The following DCC variants were observed in gnomAD, a reference collection of about 807,000 sequenced individuals.
DCC encodes the protein netrin receptor DCC.
DCC carries 58 observed loss-of-function variants against 172.5 expected under a neutral mutation model. The ratio of observed to expected loss-of-function variants is 0.34; its 90% CI spans 0.27 to 0.42. DCC has a LOEUF of 0.42. DCC is among the 10% of genes least tolerant of loss of function. The pLI is 1.00. For missense variants in DCC, 1,740 were observed against 1,791.0 expected, an observed-to-expected ratio of 0.97 and a Z score of 0.51; for synonymous variants, 709 against 644.5, an observed-to-expected ratio of 1.10 and a Z score of -1.52.
intron 12 of DCC, among the ~76,000 whole-genome samples, chr18:53,216,081 A>G (rs1265979501): frequency 4.6e-5 from 7 of 152,200 alleles, no homozygotes. Context: ...CAATACAGTT[A>G]TATTTATGTA....
Position 53,179,072 on chromosome 18 carries a change from C to G in DCC, c.1529C>G (p.Pro510Arg), listed in dbSNP as rs142367900. Residue 510 changes from proline to arginine, a missense_variant, in exon 9 of 29, where the codon CCG becomes CGG. Pro to Arg is a moderately radical substitution (Grantham distance 103, BLOSUM62 -2). Around this residue, in one of 2 missense-constraint regions of DCC, gnomAD observed 1,732 missense variants for 1,767.4 expected, o/e 0.98. Transcript: ENST00000442544. ...GTTGTGGCTTACAATGAATGGGGAC[C>G]GGGAGAGAGTTCTCAACCCATCAAG... ...FRVVAYNEWG[P>R]GESSQPIKVA... The G allele has an allele frequency of 5.0e-6, 8 of 1,613,812 alleles. No homozygotes were observed. Among genetic ancestry groups the G allele is most frequent in the South Asian group, 2.2e-5 (2 of 91,064 alleles).
chr18:53,102,762 C>G (rs191718691), intron 7 of DCC, among the ~76,000 whole-genome samples: 3 of 152,156 alleles, frequency 2.0e-5, no homozygotes, highest in Non-Finnish European at 4.4e-5. Flanking sequence ...GGTTTTCAGA[C>G]TCTTTATTGT....
At chr18:52,705,377 T>C (rs1404848699) in intron 1 of DCC, among the ~76,000 whole-genome samples, 1 of 152,172 alleles carries the variant, frequency 6.6e-6, no homozygotes, top group East Asian at 1.9e-4. Flanking sequence ...TTTCAGAATA[T>C]GGTGTTCGGA....
At chr18:52,837,401 T>G (rs1300622422) in intron 2 of DCC, among the ~76,000 whole-genome samples, 1 of 152,206 alleles carries the variant, frequency 6.6e-6, no homozygotes, top group African/African-American at 2.4e-5. Flanking sequence ...TCTTGAATGC[T>G]TTGCAGCTTA....
intron 12 of DCC, among the ~76,000 whole-genome samples, chr18:53,260,524 G>A (rs2056582763): frequency 6.6e-6 from 1 of 152,000 alleles, no homozygotes; most frequent in Non-Finnish European, 1.5e-5. Context: ...AGCGAATATT[G>A]GTGAACAGCA....
intron 5 of DCC, among the ~76,000 whole-genome samples, chr18:53,048,489 TTGTG>T (rs71175550): frequency 0.039 from 5,434 of 139,356 alleles, 270 homozygotes; most frequent in African/African-American, 0.11. Context: ...ACTCCATGGT[TTGTG>T]TGTGTGTGTG....
chr18:53,127,133 G>A (rs915475367), intron 7 of DCC, among the ~76,000 whole-genome samples: 2 of 99,198 alleles, frequency 2.0e-5, no homozygotes, highest in East Asian at 3.7e-4. Context: ...GCTTTTGATC[G>A]TTGTTTTTTT....
chr18:53,368,761 T>C (rs2058030890), intron 15 of DCC, among the ~76,000 whole-genome samples: 1 of 151,998 alleles, frequency 6.6e-6, no homozygotes, highest in African/African-American at 2.4e-5. Flanking sequence ...ATCGCAAGGG[T>C]TTATTTCTGG....
At chr18:52,662,852 C>T (rs949156345) in intron 1 of DCC, among the ~76,000 whole-genome samples, 1 of 152,088 alleles carries the variant, frequency 6.6e-6, no homozygotes, top group African/African-American at 2.4e-5. Context: ...ATAGACAGCA[C>T]CTTCTTGTGT....
At chr18:52,377,575 T>C (rs1985401114) in intron 1 of DCC, among the ~76,000 whole-genome samples, 1 of 152,084 alleles carries the variant, frequency 6.6e-6, no homozygotes, top group Admixed American at 6.6e-5. Context: ...ACTTACGTAT[T>C]TATCTTGTCT....
chr18:53,312,995 AGG>A, intron 13 of DCC, among the ~76,000 whole-genome samples: 2 of 100,566 alleles, frequency 2.0e-5, no homozygotes, highest in African/African-American at 4.3e-5. Flanking sequence ...GGGAGGGAGG[AGG>A]GAGGAAGGAA....
chr18:52,465,044 T>C (rs1192461748), intron 1 of DCC, among the ~76,000 whole-genome samples: 2 of 152,100 alleles, frequency 1.3e-5, no homozygotes, highest in Non-Finnish European at 2.9e-5. Context: ...GGTTGAACAA[T>C]TGTCCCAGTT....
At chr18:53,404,863 G>A (rs1304187317) in intron 19 of DCC, among the ~76,000 whole-genome samples, 4 of 151,792 alleles carry the variant, frequency 2.6e-5, no homozygotes, top group East Asian at 1.9e-4. Context: ...AGATTTATAC[G>A]TTCAATGGAT....
At chr18:52,662,080 A>G (rs1344996216) in intron 1 of DCC, among the ~76,000 whole-genome samples, 1 of 152,222 alleles carries the variant, frequency 6.6e-6, no homozygotes, top group Non-Finnish European at 1.5e-5. Context: ...TCAGTCTAGG[A>G]CAGTGATTCT....
chr18:53,301,073 T>C (rs1440894969), intron 12 of DCC, among the ~76,000 whole-genome samples: 2 of 149,256 alleles, frequency 1.3e-5, no homozygotes, highest in Non-Finnish European at 3.0e-5. Context: ...TCTCCTTTCC[T>C]TCTTTCTTTC....
chr18:53,392,487 T>C (rs534111311), intron 17 of DCC, among the ~76,000 whole-genome samples: 9 of 152,320 alleles, frequency 5.9e-5, no homozygotes, highest in African/African-American at 2.2e-4. Flanking sequence ...CACAGAGTTA[T>C]CTGACAACCT....
In DCC at chr18:52,927,148, T is replaced by TGTATATATAC. The variant is rs1433634946; in HGVS notation, c.985+1787_985+1796dup. 7.1e-4 allele frequency among the ~76,000 whole-genome samples: 29 copies of TGTATATATAC among 40,694 alleles called. 6 individuals carry two copies. The highest frequency in any genetic ancestry group is 2.7e-3 in the Admixed American group (12 of 4,420). 26.7% of individuals were successfully genotyped at this position (40,694 alleles called of 152,430 possible). A position where few individuals can be genotyped will look rare whatever the true frequency, so the allele number is the denominator to read the frequency against. Reference sequence around the variant, plus strand: ...ATACACGTATATACGTGTATATATGTGTATATATACGTATATATGTGTATA... The same window carrying TGTATATATAC: ...ATACACGTATATACGTGTATATATGTGTATATATACGTATATATACGTATATATGTGTATA... On this transcript the variant is annotated intron_variant, in intron 5 of 28. Transcript: ENST00000442544.
intron 27 of DCC, among the ~76,000 whole-genome samples, chr18:53,522,209 A>C (rs1299206489): frequency 6.6e-6 from 1 of 151,986 alleles, no homozygotes; most frequent in African/African-American, 2.4e-5. Flanking sequence ...CAAGGTTTTT[A>C]GTGGCTGCCT....
intron 12 of DCC, among the ~76,000 whole-genome samples, chr18:53,255,799 A>C (rs925878191): frequency 3.9e-5 from 6 of 152,044 alleles, no homozygotes; most frequent in African/African-American, 1.4e-4. Context: ...CCAACTTCCA[A>C]AATGGTTGAA....
Sources: allele counts gnomAD v4.1 joint callset (sites outside exome capture counted in the v4.1 genomes callset), GRCh38; gene constraint gnomAD v4.1.1; regional missense constraint gnomAD v4.1.1; transcripts MANE v1.5; gene names NCBI Gene and HGNC (gene_info 2026-07-23, HGNC 2026-07-21).